EMP2: variants seen among roughly 807,000 people sequenced by gnomAD.
EMP2 encodes the protein epithelial membrane protein 2.
In EMP2, 19 loss-of-function variants were observed where a neutral mutation model predicts 13.7. That is an observed-to-expected ratio of 1.38 (90% CI 0.97 to 2.03). The LOEUF (loss-of-function observed/expected upper bound fraction) is 2.03. EMP2 is among the 30% of genes most tolerant of loss of function. The pLI, the probability that EMP2 is intolerant of heterozygous loss-of-function variation, is 0.00. For synonymous variants in EMP2, 97 were observed against 84.7 expected, an observed-to-expected ratio of 1.15 and a Z score of -0.80; for missense variants, 253 against 220.7, an observed-to-expected ratio of 1.15 and a Z score of -0.93.
In EMP2 at chr16:10,543,610, G is replaced by A. The variant is rs1393712834; in HGVS notation, c.129C>T (p.Thr43=). The A allele has an allele frequency of 6.2e-7, 1 of 1,614,184 alleles. No individual in the cohort carries two copies. The highest frequency in any genetic ancestry group is 2.2e-5 in the East Asian group (1 of 44,878). The part of the protein sequence containing the change: ...EFFADVWRIC[T]NNTNCTVIND... Reference sequence around the variant, plus strand: ...TGATGACTGTGCAATTCGTGTTGTTGGTACATATTCTCCAGACATCTGCAA... The same window carrying A: ...TGATGACTGTGCAATTCGTGTTGTTAGTACATATTCTCCAGACATCTGCAA... The change falls in exon 3 of 5, where the codon ACC becomes ACT. Residue 43 remains threonine, a synonymous_variant. Transcript: ENST00000359543.
intron 3 of EMP2, among the ~76,000 whole-genome samples, chr16:10,541,602 T>C (rs1414486762): frequency 6.6e-6 from 1 of 152,192 alleles, no homozygotes; most frequent in African/African-American, 2.4e-5. Context: ...CAGCTGGCCT[T>C]GCACACTGGC....
intron 2 of EMP2, chr16:10,545,297 G>A (rs1371283642): frequency 4.6e-5 from 7 of 152,232 alleles, no homozygotes. Flanking sequence ...TTCACAGTGA[G>A]CTCCTGGAAT....
chr16:10,572,530 C>T (rs1198495877), intron 1 of EMP2, among the ~76,000 whole-genome samples: 6 of 152,028 alleles, frequency 3.9e-5, no homozygotes, highest in Admixed American at 3.3e-4. Context: ...TTACAGGGGC[C>T]GAGTCCATCT....
At chr16:10,536,725 G>A (rs570430095) in intron 4 of EMP2, among the ~76,000 whole-genome samples, 12 of 152,104 alleles carry the variant, frequency 7.9e-5, no homozygotes, top group Non-Finnish European at 1.5e-4. Flanking sequence ...AGGCTCAAAT[G>A]ATCTTCCACT....
chr16:10,540,714 T>C (rs2050688978), intron 3 of EMP2, among the ~76,000 whole-genome samples: 1 of 152,112 alleles, frequency 6.6e-6, no homozygotes, highest in African/African-American at 2.4e-5. Context: ...ATAACATCAT[T>C]GGGCTTTCCA....
At position 10,541,017 on chromosome 16, in the gene EMP2, G is replaced by T. The variant is rs146737436; in HGVS notation, c.169+2553C>A. Among the ~76,000 whole-genome samples the T allele has an allele frequency of 3.3e-3, 501 of 152,216 alleles. 3 individuals carry two copies. Among genetic ancestry groups the T allele is most frequent in the South Asian group, 0.016 (78 of 4,818 alleles). Reference sequence around the variant, plus strand: ...GTGGGAGGATCACTCGAACCTGGGGGGCAGAGGTTACAGTGAGCTGTGATT... The same window carrying T: ...GTGGGAGGATCACTCGAACCTGGGGTGCAGAGGTTACAGTGAGCTGTGATT... On this transcript the variant is annotated intron_variant, in intron 3 of 4. Transcript: ENST00000359543.
intron 1 of EMP2, among the ~76,000 whole-genome samples, chr16:10,561,595 G>A (rs927188629): frequency 1.3e-5 from 2 of 152,164 alleles, no homozygotes; most frequent in Non-Finnish European, 2.9e-5. Flanking sequence ...TGGCCGAATT[G>A]GCAACCACAG....
In EMP2 at chr16:10,531,858, G is replaced by C. The variant is rs1379783578; in HGVS notation, c.*1047C>G. On this transcript the variant is annotated 3_prime_UTR_variant, in exon 5 of 5. Coordinates refer to ENST00000359543, the MANE Select transcript of EMP2 (RefSeq NM_001424.6). ...CCAGCCAGGTGTAGCATGAAGGGCTGGACAAGAAGGGAGAGGCCTTCTGGG... is the reference window on the plus strand; with the variant it reads ...CCAGCCAGGTGTAGCATGAAGGGCTCGACAAGAAGGGAGAGGCCTTCTGGG... The C allele has an allele frequency of 6.5e-6, 1 of 154,792 alleles. No individual in the cohort carries two copies. The highest frequency in any genetic ancestry group is 1.5e-5 in the Non-Finnish European group (1 of 68,218). The allele number at this position is 154,792 out of a possible 1,614,324, so 9.6% of individuals were successfully genotyped here. A position where few individuals can be genotyped will look rare whatever the true frequency, so the allele number is the denominator to read the frequency against.
At chr16:10,573,134 C>G (rs758574626) in intron 1 of EMP2, among the ~76,000 whole-genome samples, 1 of 152,184 alleles carries the variant, frequency 6.6e-6, no homozygotes, top group Non-Finnish European at 1.5e-5. Context: ...ACTGCAGCCT[C>G]AAACTCCTGG....
intron 2 of EMP2, among the ~76,000 whole-genome samples, chr16:10,544,016 C>T (rs556964044): frequency 9.9e-5 from 15 of 152,124 alleles, no homozygotes; most frequent in Admixed American, 1.3e-4. Flanking sequence ...CACATCACCA[C>T]GCCTACTTTT....
intron 1 of EMP2, among the ~76,000 whole-genome samples, chr16:10,550,431 T>C (rs568435112): frequency 1.3e-5 from 2 of 152,340 alleles, no homozygotes; most frequent in African/African-American, 2.4e-5. Context: ...TTTCATAACA[T>C]TGATATTATT....
intron 1 of EMP2, among the ~76,000 whole-genome samples, chr16:10,570,214 A>G (rs1028277655): frequency 9.3e-5 from 14 of 151,232 alleles, no homozygotes; most frequent in Admixed American, 2.0e-4. Context: ...TGTCCCTGAA[A>G]AAATGGTGGC....
intron 1 of EMP2, chr16:10,578,321 C>T (rs1110336): frequency 0.062 from 9,479 of 152,172 alleles, 376 homozygotes; most frequent in South Asian, 0.17. Flanking sequence ...GCTCCTACTA[C>T]GAAGATATTA....
intron 3 of EMP2, among the ~76,000 whole-genome samples, chr16:10,541,892 A>G (rs751256314): frequency 3.7e-4 from 56 of 152,158 alleles, no homozygotes; most frequent in Non-Finnish European, 7.1e-4. Flanking sequence ...ACCTATGTAA[A>G]GGACTTAGAC....
At chr16:10,573,722 A>G (rs1251604590) in intron 1 of EMP2, among the ~76,000 whole-genome samples, 2 of 152,126 alleles carry the variant, frequency 1.3e-5, no homozygotes, top group African/African-American at 4.8e-5. Context: ...CTACCACCCC[A>G]TCAGAGACAA....
chr16:10,537,966 T>A lies in EMP2; in HGVS notation c.278A>T (p.Glu93Val), dbSNP rs750532383. 1 of 1,613,746 alleles carries A rather than the reference T, an allele frequency of 6.2e-7. No homozygotes were observed. Among genetic ancestry groups the A allele is most frequent in the Non-Finnish European group, 8.5e-7 (1 of 1,179,982 alleles). The change falls in exon 4 of 5, where the codon GAG (glutamate) becomes GTG (valine). Residue 93 changes from glutamate to valine, a missense_variant. By Grantham distance (121) the Glu-to-Val change is moderately radical. Coordinates refer to ENST00000359543, the MANE Select transcript of EMP2 (RefSeq NM_001424.6). ...VLQLFRLKQG[E>V]RFVLTSIIQL... ...GATGATGGAGGTTAGGACAAACCTC[T>A]CTCCCTGCTTCAGGCGGAAGAGCTG...
chr16:10,566,247 T>C (rs576522301), intron 1 of EMP2, among the ~76,000 whole-genome samples: 2 of 152,316 alleles, frequency 1.3e-5, no homozygotes, highest in East Asian at 3.9e-4. Flanking sequence ...CTAACATAAA[T>C]AAATGTATTT....
At chr16:10,533,870 T>G (rs1418474753) in intron 4 of EMP2, among the ~76,000 whole-genome samples, 2 of 152,064 alleles carry the variant, frequency 1.3e-5, no homozygotes, top group African/African-American at 4.8e-5. Context: ...TCCCAGCACT[T>G]TGTGAGGCCA....
intron 3 of EMP2, among the ~76,000 whole-genome samples, chr16:10,540,827 C>T (rs748727280): frequency 3.9e-5 from 6 of 152,146 alleles, no homozygotes; most frequent in Non-Finnish European, 7.4e-5. Flanking sequence ...TTAACATAGA[C>T]TTATGGTTTG....
Sources: gnomAD v4.1 joint callset for allele counts (sites outside exome capture counted in the v4.1 genomes callset) on GRCh38, gnomAD v4.1.1 for gene constraint, MANE v1.5 for transcripts, NCBI Gene and HGNC (gene_info 2026-07-23, HGNC 2026-07-21) for gene names.